Variants in UBR1 observed in about 807,000 individuals in gnomAD.
UBR1 encodes ubiquitin protein ligase E3 component n-recognin 1, also known as E3 ubiquitin-protein ligase UBR1.
A neutral mutation model predicts 242.1 loss-of-function variants in UBR1; 102 were observed. The observed-to-expected ratio is 0.42, with a 90% CI of 0.36 to 0.50. The LOEUF (loss-of-function observed/expected upper bound fraction) is 0.50. Ranked by LOEUF, UBR1 falls within the 20% of genes least tolerant of loss-of-function variation. The probability of loss-of-function intolerance (pLI) is 0.01; values close to 1 mark genes in which losing one functional copy is unlikely to be tolerated. For missense variants in UBR1, 1,772 were observed against 2,101.8 expected (o/e 0.84, Z 3.07); for synonymous variants, 675 against 684.8 (o/e 0.99, Z 0.22).
intron 35 of UBR1, among the ~76,000 whole-genome samples, chr15:42,987,542 C>T (rs1380436476): frequency 4.6e-5 from 7 of 151,754 alleles, no homozygotes; most frequent in South Asian, 2.1e-4. Flanking sequence ...GGTGAAACCC[C>T]GTCTCTACTA....
intron 46 of UBR1, among the ~76,000 whole-genome samples, chr15:42,948,172 C>A (rs555308645): frequency 2.0e-5 from 3 of 152,228 alleles, no homozygotes; most frequent in East Asian, 1.9e-4. Context: ...GAAAAACAAG[C>A]AATGGGGAAA....
At chr15:42,980,155 C>T (rs562112856) in intron 37 of UBR1, among the ~76,000 whole-genome samples, 1 of 152,196 alleles carries the variant, frequency 6.6e-6, no homozygotes, top group Non-Finnish European at 1.5e-5. Flanking sequence ...TAATTTCCAT[C>T]ATCTTTTCAG....
intron 41 of UBR1, among the ~76,000 whole-genome samples, chr15:42,965,760 C>T (rs1420155151): frequency 1.3e-5 from 2 of 152,178 alleles, no homozygotes; most frequent in African/African-American, 2.4e-5. Flanking sequence ...AGCCACCACA[C>T]CCGGCCTACA....
intron 1 of UBR1, among the ~76,000 whole-genome samples, chr15:43,095,093 T>G (rs977574862): frequency 2.0e-5 from 3 of 152,236 alleles, no homozygotes. Flanking sequence ...TCATATTCTC[T>G]TTCTGCTGTA....
At chr15:43,077,672 A>AT (rs2033924233) in intron 3 of UBR1, among the ~76,000 whole-genome samples, 3 of 149,872 alleles carry the variant, frequency 2.0e-5, no homozygotes, top group African/African-American at 7.5e-5. Context: ...TGAGAAAAAA[A>AT]AAAATAAAAA....
chr15:42,962,474 C>T (rs2032039048), intron 42 of UBR1, among the ~76,000 whole-genome samples: 1 of 152,022 alleles, frequency 6.6e-6, no homozygotes, highest in Non-Finnish European at 1.5e-5. Flanking sequence ...ACAGAGCTAG[C>T]CTGAACTGGG....
In UBR1 at chr15:43,016,947, A is replaced by G. The variant is rs2033033653; in HGVS notation, c.3027+148T>C. On this transcript the variant is annotated intron_variant, in intron 28 of 46. Transcript: ENST00000290650. Reference sequence around the variant, plus strand: ...GTACCATTAATCTCCACAATATAGAAGCATAATGAATAAAAGATGGACAGA... The same window carrying G: ...GTACCATTAATCTCCACAATATAGAGGCATAATGAATAAAAGATGGACAGA... The G allele has an allele frequency of 9.0e-6, 6 of 666,298 alleles. No individual in the cohort carries two copies. In the East Asian group the frequency reaches 1.4e-4, roughly 15 times the overall value. The allele number at this position is 666,298 out of a possible 1,614,324, so 41.3% of individuals were successfully genotyped here. A position where few individuals can be genotyped will look rare whatever the true frequency, so the allele number is the denominator to read the frequency against.
intron 1 of UBR1, among the ~76,000 whole-genome samples, chr15:43,089,174 A>C (rs950897617): frequency 3.4e-5 from 5 of 149,178 alleles, no homozygotes; most frequent in Admixed American, 6.8e-5. Flanking sequence ...AAAAAAAAAA[A>C]CTACATGAGA....
At chr15:43,002,947 T>C (rs1242602713) in intron 31 of UBR1, among the ~76,000 whole-genome samples, 1 of 152,238 alleles carries the variant, frequency 6.6e-6, no homozygotes, top group African/African-American at 2.4e-5. Context: ...TATTGAATCA[T>C]AACTCATCTC....
rs76172507 is a variant in UBR1 at position 43,105,976 on chromosome 15, G to T, written c.47C>A (p.Ala16Glu). Residue 16 changes from alanine (A) to glutamate (E), a missense_variant, in exon 1 of 47, where the codon GCG becomes GAG. This residue lies in a region of UBR1 where 734 missense variants were observed against 893.3 expected (regional missense o/e 0.82). Coordinates refer to ENST00000290650, the MANE Select transcript of UBR1 (RefSeq NM_174916.3). ...AGGTERMEIS[A>E]ELPQTPQRLA... The stretch of plus-strand genomic sequence containing the variant: ...ACGCTGAGGGGTCTGGGGTAACTCC[G>T]CGCTGATTTCCATCCTCTCAGTACC... 7 of 1,613,888 alleles carry T rather than the reference G, an allele frequency of 4.3e-6. No individual in the cohort carries two copies. The South Asian group carries it at 7.7e-5, about 18-fold the overall frequency.
At chr15:42,992,035 A>G (rs543516786) in intron 33 of UBR1, among the ~76,000 whole-genome samples, 2 of 152,292 alleles carry the variant, frequency 1.3e-5, no homozygotes, top group South Asian at 4.1e-4. Flanking sequence ...TATAGGCCTG[A>G]GCCACTGTGC....
chr15:42,992,252 T>G (rs2032567696), intron 33 of UBR1, among the ~76,000 whole-genome samples: 2 of 152,230 alleles, frequency 1.3e-5, no homozygotes, highest in African/African-American at 4.8e-5. Flanking sequence ...GTTTAACATT[T>G]AAAACATCTC....
intron 10 of UBR1, among the ~76,000 whole-genome samples, chr15:43,057,806 C>T (rs1044296241): frequency 6.6e-6 from 1 of 152,144 alleles, no homozygotes; most frequent in African/African-American, 2.4e-5. Context: ...CCTCCCTTTG[C>T]TCTGGGTCAG....
rs143014890 is a variant in UBR1 at position 42,976,585 on chromosome 15, A to G, written c.4369+132T>C. On this transcript the variant is annotated intron_variant, in intron 39 of 46. Coordinates refer to ENST00000290650, the MANE Select transcript of UBR1 (RefSeq NM_174916.3). ...CTTGTTTAAACAGTATCCATTAAAA[A>G]ACAGATAATCATTCAACAAAAAACA... 17 of 624,136 alleles carry G rather than the reference A, an allele frequency of 2.7e-5. No individual in the cohort carries two copies. In the Admixed American group the frequency reaches 5.5e-4, roughly 20 times the overall value. 38.7% of individuals were successfully genotyped at this position (624,136 alleles called of 1,614,324 possible). A position where few individuals can be genotyped will look rare whatever the true frequency, so the allele number is the denominator to read the frequency against.
intron 41 of UBR1, 106 bp from the exon 42 acceptor site, chr15:42,964,149 AGAGGG>A: frequency 2.4e-6 from 2 of 828,592 alleles, no homozygotes; most frequent in East Asian, 5.6e-5. Context: ...CTCTCCTTGT[AGAGGG>A]TATATTGCTT....
At chr15:43,040,142 T>A (rs1056377735) in intron 15 of UBR1, among the ~76,000 whole-genome samples, 4 of 152,126 alleles carry the variant, frequency 2.6e-5, no homozygotes, top group Non-Finnish European at 4.4e-5. Context: ...CATTGCCAAG[T>A]CAATCCTAAG....
rs2033700866 is a variant in UBR1 at position 43,062,472 on chromosome 15, T to C, written c.799-2358A>G. Among the ~76,000 whole-genome samples the C allele has an allele frequency of 1.3e-5, 2 of 152,116 alleles. 1 individual carries two copies. The highest frequency in any genetic ancestry group is 4.1e-4 in the South Asian group (2 of 4,820). ...AAAAGGGGGAATTGTTCAATGGATATAAAGTTTCAGTTTTGCAAGATGGAA... is the reference window on the plus strand; with the variant it reads ...AAAAGGGGGAATTGTTCAATGGATACAAAGTTTCAGTTTTGCAAGATGGAA... On this transcript the variant is annotated intron_variant, in intron 6 of 46. Transcript: ENST00000290650.
At chr15:42,962,814 G>A (rs2032045308) in intron 42 of UBR1, among the ~76,000 whole-genome samples, 1 of 151,996 alleles carries the variant, frequency 6.6e-6, no homozygotes. Context: ...CCTTTTTCCT[G>A]GCCACCAAAA....
At chr15:42,945,809 TG>T (rs1266107820) in intron 46 of UBR1, among the ~76,000 whole-genome samples, 1 of 152,230 alleles carries the variant, frequency 6.6e-6, no homozygotes, top group Admixed American at 6.5e-5. Context: ...GGCTTCATAT[TG>T]TTATCTAGCT....
Sources: gnomAD v4.1 joint callset for allele counts (sites outside exome capture counted in the v4.1 genomes callset) on GRCh38, gnomAD v4.1.1 for gene constraint, gnomAD v4.1.1 regional missense constraint, MANE v1.5 for transcripts, NCBI Gene and HGNC (gene_info 2026-07-23, HGNC 2026-07-21) for gene names.